The following SLC7A14 variants were observed in gnomAD, a reference collection of about 807,000 sequenced individuals.
SLC7A14 encodes the protein gamma-aminobutyric acid transporter SLC7A14.
Under a neutral mutation model 60.2 loss-of-function variants are expected in SLC7A14, and 37 were observed. That is an observed-to-expected ratio of 0.61 (90% CI 0.47 to 0.81). The LOEUF is 0.81. SLC7A14 is among the 30% of genes least tolerant of loss of function. The pLI, the probability that SLC7A14 is intolerant of heterozygous loss-of-function variation, is 0.00. For synonymous variants in SLC7A14, 399 were observed against 395.8 expected (o/e 1.01, Z -0.10); for missense variants, 886 against 982.7 (o/e 0.90, Z 1.32).
chr3:170,475,863 C>G (rs1407191935), intron 7 of SLC7A14, among the ~76,000 whole-genome samples: 1 of 152,164 alleles, frequency 6.6e-6, no homozygotes, highest in East Asian at 1.9e-4. Flanking sequence ...CAGGTGCCCG[C>G]CACCACGCCT....
chr3:170,557,000 G>A (rs1200154749), intron 1 of SLC7A14, among the ~76,000 whole-genome samples: 1 of 152,102 alleles, frequency 6.6e-6, no homozygotes, highest in African/African-American at 2.4e-5. Context: ...GGCTTTTCTG[G>A]TCCCTCAAAG....
chr3:170,488,522 T>C (rs1203341882), intron 4 of SLC7A14, among the ~76,000 whole-genome samples: 1 of 152,208 alleles, frequency 6.6e-6, no homozygotes, highest in Non-Finnish European at 1.5e-5. Flanking sequence ...CACTAAGTAG[T>C]CCTGATCAAG....
intron 2 of SLC7A14, among the ~76,000 whole-genome samples, chr3:170,515,317 C>T (rs1303680691): frequency 3.1e-5 from 3 of 96,820 alleles, no homozygotes. Flanking sequence ...TGTCCGCCCC[C>T]CCCAAAAAAA....
rs2108297661 is a variant in SLC7A14, at chr3:170,535,413, G to A, written c.-152-8325C>T. On this transcript the variant is annotated intron_variant, in intron 1 of 7. Coordinates refer to ENST00000231706, the MANE Select transcript of SLC7A14 (RefSeq NM_020949.3). The surrounding 1 kb of genome is among the most constrained non-coding windows in gnomAD (Gnocchi z 4.3). The stretch of plus-strand genomic sequence containing the variant: ...ATTAATCATTGCAAAAGTATTTAAT[G>A]AGTTCCCGGTGTGTGTTTAGTTCAA... Among the ~76,000 whole-genome samples, 1 of 152,220 alleles carries A rather than the reference G, an allele frequency of 6.6e-6. No individual in the cohort carries two copies. The highest frequency in any genetic ancestry group is 1.9e-4 in the East Asian group (1 of 5,172).
intron 2 of SLC7A14, among the ~76,000 whole-genome samples, chr3:170,505,087 T>C (rs1231362666): frequency 6.6e-6 from 1 of 152,202 alleles, no homozygotes; most frequent in Non-Finnish European, 1.5e-5. Context: ...CCATTTTACA[T>C]ATACACACAA....
chr3:170,494,690 AT>A (rs1440634401), intron 4 of SLC7A14, among the ~76,000 whole-genome samples: 1 of 152,260 alleles, frequency 6.6e-6, no homozygotes, highest in Non-Finnish European at 1.5e-5. Flanking sequence ...CAATCAAGTA[AT>A]TAAGAAGAGT....
At chr3:170,474,076 A>G (rs1275774983) in intron 7 of SLC7A14, among the ~76,000 whole-genome samples, 1 of 152,186 alleles carries the variant, frequency 6.6e-6, no homozygotes, top group African/African-American at 2.4e-5. Flanking sequence ...CTCAACTAGA[A>G]ACAACCCAAA....
rs139512064 is a variant in SLC7A14 at position 170,573,567 on chromosome 3, A to G, written c.-153+12344T>C. ...GTCACTGACACAAGTAAGATAGGCT[A>G]TGAGTTGAGTATTATAACATGCCTA... is the stretch of plus-strand genomic sequence containing the variant. On this transcript the variant is annotated intron_variant, in intron 1 of 7. Transcript: ENST00000231706. Among the ~76,000 whole-genome samples, 271 of 152,356 alleles carry G rather than the reference A, an allele frequency of 1.8e-3. 3 individuals carry two copies. In the South Asian group the frequency reaches 0.024, roughly 14 times the overall value.
Position 170,526,431 on chromosome 3 carries a change from G to GAA in SLC7A14, c.304+200_304+201dup, listed in dbSNP as rs35594669. ...AAAGAAGAAAGAAAGAAAAGAAAAAGAAAAAAAAAAAAGGAAGCTACTATA... is the reference window on the plus strand; with the variant it reads ...AAAGAAGAAAGAAAGAAAAGAAAAAGAAAAAAAAAAAAAAGGAAGCTACTATA... On this transcript the variant is annotated intron_variant, in intron 2 of 7. Coordinates refer to ENST00000231706, the MANE Select transcript of SLC7A14 (RefSeq NM_020949.3). Among the ~76,000 whole-genome samples the GAA allele has an allele frequency of 7.2e-3, 983 of 137,086 alleles. 9 individuals are homozygous for GAA. Among genetic ancestry groups the GAA allele is most frequent in the African/African-American group, 0.024 (925 of 38,084 alleles). The allele number at this position is 137,086 out of a possible 152,430, so 89.9% of individuals were successfully genotyped here.
At chr3:170,581,017 C>G (rs1367087954) in intron 1 of SLC7A14, among the ~76,000 whole-genome samples, 1 of 152,040 alleles carries the variant, frequency 6.6e-6, no homozygotes, top group African/African-American at 2.4e-5. Context: ...GTCATAGATG[C>G]CAGGTTTGGG....
chr3:170,541,637 A>G (rs1181882766), intron 1 of SLC7A14, among the ~76,000 whole-genome samples: 1 of 152,204 alleles, frequency 6.6e-6, no homozygotes, highest in Non-Finnish European at 1.5e-5. Context: ...ATTACTCAGG[A>G]TAAATTAAAA....
rs143015674 is a variant in SLC7A14 at position 170,537,979 on chromosome 3, A to T, written c.-152-10891T>A. Among the ~76,000 whole-genome samples the T allele has an allele frequency of 1.9e-3, 289 of 152,320 alleles. 7 individuals carry two copies. In the East Asian group the frequency reaches 0.029, roughly 16 times the overall value. On this transcript the variant is annotated intron_variant, in intron 1 of 7. Coordinates refer to ENST00000231706, the MANE Select transcript of SLC7A14 (RefSeq NM_020949.3). The stretch of plus-strand genomic sequence containing the variant: ...TTTTTTTCTTGCAGGATTTGAGGGA[A>T]GAAAGATGACCTAATCTTGAAAGTC...
intron 7 of SLC7A14, among the ~76,000 whole-genome samples, chr3:170,478,055 T>A (rs564260542): frequency 8.3e-4 from 126 of 152,310 alleles, no homozygotes; most frequent in Admixed American, 2.3e-3. Flanking sequence ...TGTATTTTTT[T>A]AAAAAGTTTT....
At chr3:170,542,109 C>T (rs75782814) in intron 1 of SLC7A14, among the ~76,000 whole-genome samples, 3,421 of 152,294 alleles carry the variant, frequency 0.022, 112 homozygotes, top group African/African-American at 0.077. Flanking sequence ...AAAGCTCTTA[C>T]TTGGTTACAG....
chr3:170,467,059 T>C lies in SLC7A14; in HGVS notation c.2312A>G (p.Glu771Gly). The change falls in exon 8 of 8, where the codon GAG becomes GGG. Residue 771 changes from glutamate to glycine, a missense_variant. Glu to Gly is a moderately conservative substitution (Grantham distance 98, BLOSUM62 -2). Transcript: ENST00000231706. ...IANDELDYSP[E>G] ...CTACCCACTTGTGTGTTTCTCCTAC[T>C]CTGGAGAGTAATCTAACTCATCATT... is the stretch of plus-strand genomic sequence containing the variant. The C allele has an allele frequency of 6.2e-7, 1 of 1,604,154 alleles. No individual in the cohort carries two copies. Among genetic ancestry groups the C allele is most frequent in the Non-Finnish European group, 8.5e-7 (1 of 1,174,502 alleles).
intron 1 of SLC7A14, among the ~76,000 whole-genome samples, chr3:170,566,853 C>T (rs554400905): frequency 1.3e-4 from 19 of 151,160 alleles, no homozygotes; most frequent in Middle Eastern, 3.4e-3. Flanking sequence ...CAAAACAAAA[C>T]GAAACAAACC....
At chr3:170,533,233 G>T (rs1473850922) in intron 1 of SLC7A14, among the ~76,000 whole-genome samples, 1 of 152,182 alleles carries the variant, frequency 6.6e-6, no homozygotes, top group Admixed American at 6.5e-5. Flanking sequence ...GGATGTGCTT[G>T]CATGTCAGCC....
intron 1 of SLC7A14, among the ~76,000 whole-genome samples, chr3:170,545,885 C>A (rs764805255): frequency 5.9e-5 from 9 of 152,226 alleles, no homozygotes; most frequent in Non-Finnish European, 8.8e-5. Context: ...GTAAGCTGAG[C>A]ACAGTGCCTT....
intron 1 of SLC7A14, among the ~76,000 whole-genome samples, chr3:170,576,323 T>C (rs1715089842): frequency 6.6e-6 from 1 of 152,236 alleles, no homozygotes; most frequent in Admixed American, 6.5e-5. Context: ...TATTACAATG[T>C]TTCTTCAATA....
Sources: gnomAD v4.1 joint callset for allele counts (sites outside exome capture counted in the v4.1 genomes callset) on GRCh38, gnomAD v4.1.1 for gene constraint, Gnocchi (gnomAD v3.1) non-coding constraint, MANE v1.5 for transcripts, NCBI Gene and HGNC (gene_info 2026-07-23, HGNC 2026-07-21) for gene names.